The following OC90 variants were observed in gnomAD, a reference collection of about 807,000 sequenced individuals.
OC90 encodes the protein otoconin 90.
Under a neutral mutation model 47.3 loss-of-function variants are expected in OC90, and 46 were observed. That is an observed-to-expected ratio of 0.97 (90% CI 0.77 to 1.24). The LOEUF (loss-of-function observed/expected upper bound fraction) is 1.24. OC90 is among the 50% of genes most tolerant of loss of function. The probability of loss-of-function intolerance (pLI) is 0.00; values close to 1 mark genes in which losing one functional copy is unlikely to be tolerated. For missense variants in OC90, 688 were observed against 583.9 expected, an observed-to-expected ratio of 1.18 and a Z score of -1.84; for synonymous variants, 271 against 219.5, an observed-to-expected ratio of 1.23 and a Z score of -2.07.
chr8:132,059,199 ATCCC>A (rs1457665936), intron 1 of OC90, 138 bp downstream of exon 1: 1 of 94,250 alleles, frequency 1.1e-5, no homozygotes, highest in Non-Finnish European at 2.1e-5. Context: ...CTTTTCCTCC[ATCCC>A]TCCCTCTCCC....
intron 13 of OC90, among the ~76,000 whole-genome samples, chr8:132,028,651 G>GAAGAAAGA (rs71306365): frequency 5.7e-5 from 7 of 122,228 alleles, no homozygotes; most frequent in African/African-American, 1.3e-4. Flanking sequence ...AGGAAGGAAG[G>GAAGAAAGA]AAGAAAGAAA....
rs573476690 is a variant in OC90, at chr8:132,045,881, C to G, written c.49G>C (p.Gly17Arg). 1 of 1,533,932 alleles carries G rather than the reference C, an allele frequency of 6.5e-7. No homozygotes were observed. The highest frequency in any genetic ancestry group is 2.0e-5 in the Admixed American group (1 of 50,966). ...TSVLMIPHAG[G>R]HPLDTPHLPQ... Reference sequence around the variant, plus strand: ...AGATGTGGAGTGTCCAGAGGATGGCCTCCTATAAATAAGGAAGAGAAAGTA... The same window carrying G: ...AGATGTGGAGTGTCCAGAGGATGGCGTCCTATAAATAAGGAAGAGAAAGTA... Residue 17 changes from glycine (G) to arginine (R), a missense_variant and splice_region_variant, in exon 3 of 14, where the codon GGC becomes CGC. By Grantham distance (125) the Gly-to-Arg change is moderately radical. Coordinates refer to ENST00000254627, the MANE Select transcript of OC90 (RefSeq NM_001080399.3).
At chr8:132,041,741 A>G (rs1823057549) in intron 4 of OC90, 42 bp from the exon 5 acceptor site, 2 of 1,288,718 alleles carry the variant, frequency 1.6e-6, no homozygotes, top group African/African-American at 1.5e-5. Flanking sequence ...ACTGGGAACT[A>G]GGACTAGGAG....
At chr8:132,046,460 G>A (rs77094593) in intron 2 of OC90, among the ~76,000 whole-genome samples, 33,866 of 151,994 alleles carry the variant, frequency 0.22, 4,122 homozygotes, top group South Asian at 0.3. Flanking sequence ...TCGAAACCTC[G>A]CCTTGAGAAA....
chr8:132,034,824 G>T lies in OC90; in HGVS notation c.690C>A (p.His230Gln), dbSNP rs11779306. ...TAGCAGCTCCCACTCCTTCCTGATC[G>T]TGGCCTGCTTCTGTTCCCCAAAGAA... ...LTALSGEEAG[H>Q]DQEGVGAARA... Residue 230 changes from histidine (H) to glutamine (Q), a missense_variant, in exon 10 of 14, where the codon CAC becomes CAA. Coordinates refer to ENST00000254627, the MANE Select transcript of OC90 (RefSeq NM_001080399.3). 2.5e-6 allele frequency: 4 copies of T among 1,611,174 alleles called. No individual in the cohort carries two copies. The highest frequency in any genetic ancestry group is 3.4e-6 in the Non-Finnish European group (4 of 1,178,086).
chr8:132,042,993 A>C (rs1315962095), intron 4 of OC90, among the ~76,000 whole-genome samples: 1 of 152,252 alleles, frequency 6.6e-6, no homozygotes, highest in Admixed American at 6.5e-5. Context: ...CATTCACAAT[A>C]GCAAAGACAT....
chr8:132,055,897 G>A (rs1563735930), intron 1 of OC90, among the ~76,000 whole-genome samples: 1 of 152,202 alleles, frequency 6.6e-6, no homozygotes, highest in South Asian at 2.1e-4. Flanking sequence ...ATGTTTAACA[G>A]GGGGACGGGG....
intron 9 of OC90, chr8:132,036,426 C>A: frequency 1.3e-6 from 1 of 780,604 alleles, no homozygotes; most frequent in Non-Finnish European, 2.4e-6. Flanking sequence ...CCACTGTGAA[C>A]AGAAATCACC....
chr8:132,049,812 C>T (rs1404066575), intron 2 of OC90: 2 of 517,314 alleles, frequency 3.9e-6, no homozygotes, highest in Non-Finnish European at 7.8e-6. Context: ...TTACCTGTTG[C>T]CATGGCCACG....
chr8:132,025,225 A>G (rs745797901), intron 13 of OC90, among the ~76,000 whole-genome samples: 4 of 152,222 alleles, frequency 2.6e-5, no homozygotes, highest in Non-Finnish European at 4.4e-5. Context: ...TAGGGCCCCA[A>G]AGAATATCAG....
At chr8:132,041,258 G>T in intron 5 of OC90, 102 bp from the exon 6 acceptor site, 1 of 761,302 alleles carries the variant, frequency 1.3e-6, no homozygotes, top group East Asian at 2.5e-5. Context: ...TCCTGGCAGT[G>T]GTCTATTTTA....
intron 6 of OC90, 97 bp downstream of exon 6, chr8:132,040,947 T>C (rs1306594002): frequency 2.6e-6 from 2 of 771,128 alleles, no homozygotes; most frequent in Non-Finnish European, 4.7e-6. Context: ...GTGACGATGA[T>C]GTGAGAGGAT....
Position 132,031,866 on chromosome 8 carries a change from G to C in OC90, c.1031+15C>G. 6.2e-7 allele frequency: 1 copy of C among 1,610,878 alleles called. No individual in the cohort carries two copies. Among genetic ancestry groups the C allele is most frequent in the Non-Finnish European group, 8.5e-7 (1 of 1,177,796 alleles). On this transcript the variant is annotated intron_variant, in intron 12 of 13. Transcript: ENST00000254627. ...GCACTACTACACCAGAGCTGTCACC[G>C]CTGGCTCTCCATACCTGTCTAGGTC...
At position 132,036,319 on chromosome 8, in the gene OC90, T is replaced by C; in HGVS notation, c.679+1119A>G. 5.1e-6 allele frequency: 4 copies of C among 780,126 alleles called. 1 individual carries two copies. The South Asian group carries it at 5.4e-5, about 10-fold the overall frequency. 48.3% of individuals were successfully genotyped at this position (780,126 alleles called of 1,614,324 possible). On this transcript the variant is annotated intron_variant, in intron 9 of 13. Coordinates refer to ENST00000254627, the MANE Select transcript of OC90 (RefSeq NM_001080399.3). Reference sequence around the variant, plus strand: ...AGCACAGATTTTTAGATATTTGAAATATTTCTCCACTGGATTCCAGGCTGT... The same window carrying C: ...AGCACAGATTTTTAGATATTTGAAACATTTCTCCACTGGATTCCAGGCTGT...
At chr8:132,055,206 T>C in intron 1 of OC90, 133 bp from the exon 2 acceptor site, 1 of 546,684 alleles carries the variant, frequency 1.8e-6, no homozygotes, top group Non-Finnish European at 3.3e-6. Context: ...AGGGTGTAGG[T>C]CCCAGTTTTG....
rs541496860 is a variant in OC90, at chr8:132,039,471, C to A, written c.458-348G>T. 5.9e-5 allele frequency among the ~76,000 whole-genome samples: 9 copies of A among 152,266 alleles called. No homozygotes were observed. The South Asian group carries it at 1.7e-3, about 28-fold the overall frequency. ...CTCCTAACTATGCCCCCAGCTTCTACCCTGCTGCTCAATCTACTCTTATCC... is the reference window on the plus strand; with the variant it reads ...CTCCTAACTATGCCCCCAGCTTCTAACCTGCTGCTCAATCTACTCTTATCC... On this transcript the variant is annotated intron_variant, in intron 6 of 13. Transcript: ENST00000254627.
chr8:132,050,874 A>T (rs914388135), intron 2 of OC90, among the ~76,000 whole-genome samples: 5 of 152,116 alleles, frequency 3.3e-5, no homozygotes, highest in African/African-American at 1.2e-4. Context: ...GTGGCATGTA[A>T]TCCCAGCTAC....
intron 9 of OC90, chr8:132,036,365 G>C: frequency 1.3e-6 from 1 of 780,740 alleles, no homozygotes; most frequent in Non-Finnish European, 2.4e-6. Context: ...ATTCCCCTCT[G>C]CTTACTTTTC....
At chr8:132,046,459 C>T (rs996740157) in intron 2 of OC90, among the ~76,000 whole-genome samples, 7 of 152,140 alleles carry the variant, frequency 4.6e-5, no homozygotes, top group African/African-American at 1.2e-4. Context: ...CTCGAAACCT[C>T]GCCTTGAGAA....
Sources: gnomAD v4.1 joint callset for allele counts (sites outside exome capture counted in the v4.1 genomes callset) on GRCh38, gnomAD v4.1.1 for gene constraint, MANE v1.5 for transcripts, NCBI Gene and HGNC (gene_info 2026-07-23, HGNC 2026-07-21) for gene names.